The following GABRA3 variants were observed in gnomAD, a reference collection of about 807,000 sequenced individuals.
GABRA3 encodes the protein gamma-aminobutyric acid type A receptor subunit alpha3, also known as gamma-aminobutyric acid receptor subunit alpha-3.
GABRA3 carries 10 observed loss-of-function variants against 30.1 expected under a neutral mutation model. That is an observed-to-expected ratio of 0.33 (90% CI 0.20 to 0.56). The LOEUF (loss-of-function observed/expected upper bound fraction) is 0.56. Ranked by LOEUF, GABRA3 falls within the 20% of genes least tolerant of loss-of-function variation. The probability of loss-of-function intolerance (pLI) is 0.89; values close to 1 mark genes in which losing one functional copy is unlikely to be tolerated. For missense variants in GABRA3, 233 were observed against 392.0 expected (o/e 0.59, Z 3.42); for synonymous variants, 151 against 146.8 (o/e 1.03, Z -0.21).
Position 152,199,099 on chromosome X carries a change from AAG to A in GABRA3, c.779-1316_779-1315del, listed in dbSNP as rs1406020871. 8.2e-3 allele frequency among the ~76,000 whole-genome samples: 920 copies of A among 111,557 alleles called. 11 individuals are homozygous for A. Among genetic ancestry groups the A allele is most frequent in the Admixed American group, 0.034 (363 of 10,523 alleles). On this transcript the variant is annotated intron_variant, in intron 7 of 9. Coordinates refer to ENST00000370314, the MANE Select transcript of GABRA3 (RefSeq NM_000808.4). ...GGCAGAGGGCTGGGTGCGGTGGCTCAAGCCTGCCTGTAATCCCAGCACTTTGG... is the reference window on the plus strand; with the variant it reads ...GGCAGAGGGCTGGGTGCGGTGGCTCACCTGCCTGTAATCCCAGCACTTTGG...
intron 1 of GABRA3, among the ~76,000 whole-genome samples, chrX:152,421,476 G>C (rs940057033): frequency 9.0e-6 from 1 of 111,043 alleles, no homozygotes; most frequent in African/African-American, 3.3e-5. Flanking sequence ...TGATACTGAG[G>C]TAGGCAAGTA....
At chrX:152,383,165 T>A (rs1929191229) in intron 1 of GABRA3, among the ~76,000 whole-genome samples, 1 of 108,621 alleles carries the variant, frequency 9.2e-6, no homozygotes, top group Admixed American at 9.9e-5. Flanking sequence ...GGCAGGCAGA[T>A]CATGAGGTCA....
chrX:152,426,668 T>C (rs1445877181), intron 1 of GABRA3, among the ~76,000 whole-genome samples: 1 of 112,120 alleles, frequency 8.9e-6, no homozygotes, highest in East Asian at 2.8e-4. Context: ...CTTTCTTCGT[T>C]GCATTCCTTA....
chrX:152,172,955 C>G (rs1243053977), intron 9 of GABRA3, among the ~76,000 whole-genome samples: 1 of 71,187 alleles, frequency 1.4e-5, no homozygotes, highest in Non-Finnish European at 3.0e-5. Context: ...TATGTGTACA[C>G]ACACACACAC....
chrX:152,450,457 T>C (rs1307782827), intron 1 of GABRA3, among the ~76,000 whole-genome samples: 1 of 106,867 alleles, frequency 9.4e-6, no homozygotes, highest in Non-Finnish European at 1.9e-5. Flanking sequence ...GGGCAGGCAA[T>C]GGAGCTTCTC....
intron 1 of GABRA3, among the ~76,000 whole-genome samples, chrX:152,394,180 G>A (rs1001620423): frequency 1.8e-5 from 2 of 111,713 alleles, no homozygotes; most frequent in African/African-American, 6.5e-5. Context: ...GAAGCATGAA[G>A]ATACGAATTG....
chrX:152,187,726 T>C (rs1052904728), intron 9 of GABRA3, among the ~76,000 whole-genome samples: 1 of 111,819 alleles, frequency 8.9e-6, no homozygotes, highest in Non-Finnish European at 1.9e-5. Context: ...AGCTACTCAT[T>C]ACTATCCTGC....
At chrX:152,178,798 G>A (rs111647822) in intron 9 of GABRA3, among the ~76,000 whole-genome samples, 222 of 111,188 alleles carry the variant, frequency 2.0e-3, no homozygotes, top group African/African-American at 6.7e-3. Context: ...TTACCCCAAT[G>A]CACCCAAACC....
At chrX:152,241,596 C>A (rs1938373663) in intron 5 of GABRA3, among the ~76,000 whole-genome samples, 1 of 109,528 alleles carries the variant, frequency 9.1e-6, no homozygotes, top group Admixed American at 9.6e-5. Flanking sequence ...GGGCGCCCCT[C>A]CCCCAGCCTC....
intron 3 of GABRA3, among the ~76,000 whole-genome samples, chrX:152,286,450 A>T (rs1939299306): frequency 9.0e-6 from 1 of 110,998 alleles, no homozygotes; most frequent in Non-Finnish European, 1.9e-5. Flanking sequence ...TGAATTGAGC[A>T]CACTAGTAAC....
At chrX:152,233,034 G>T (rs1938117260) in intron 5 of GABRA3, among the ~76,000 whole-genome samples, 2 of 110,120 alleles carry the variant, frequency 1.8e-5, no homozygotes, top group African/African-American at 6.8e-5. Context: ...GTGGAAAATG[G>T]TATCTCATTA....
chrX:152,449,827 G>A (rs1158890924), intron 1 of GABRA3, among the ~76,000 whole-genome samples: 1 of 111,793 alleles, frequency 8.9e-6, no homozygotes, highest in Non-Finnish European at 1.9e-5. Flanking sequence ...TGTAATCTTG[G>A]ATAAGTTACT....
At chrX:152,303,650 T>C (rs1939672503) in intron 3 of GABRA3, among the ~76,000 whole-genome samples, 1 of 111,712 alleles carries the variant, frequency 9.0e-6, no homozygotes, top group Non-Finnish European at 1.9e-5. Flanking sequence ...AAAGAGTTTA[T>C]GACCTTTGCA....
chrX:152,206,557 C>T (rs1447891805), intron 7 of GABRA3, among the ~76,000 whole-genome samples: 2 of 111,669 alleles, frequency 1.8e-5, no homozygotes, highest in Admixed American at 1.9e-4. Context: ...TCACCTTCAG[C>T]ACAGTGAGCC....
At chrX:152,215,091 A>C (rs919663408) in intron 6 of GABRA3, among the ~76,000 whole-genome samples, 1 of 107,911 alleles carries the variant, frequency 9.3e-6, no homozygotes, top group Non-Finnish European at 1.9e-5. Context: ...AAACAGGGAC[A>C]ATTTGACTTC....
chrX:152,436,827 CAA>C (rs1236648692), intron 1 of GABRA3, among the ~76,000 whole-genome samples: 1 of 111,227 alleles, frequency 9.0e-6, no homozygotes, highest in East Asian at 2.8e-4. Flanking sequence ...TTAATTAATG[CAA>C]AGACTTCTTA....
intron 2 of GABRA3, among the ~76,000 whole-genome samples, chrX:152,346,142 T>G (rs773848083): frequency 1.3e-4 from 14 of 111,955 alleles, no homozygotes; most frequent in African/African-American, 4.5e-4. Flanking sequence ...AAAACAGGGT[T>G]AGACAGATCC....
intron 1 of GABRA3, among the ~76,000 whole-genome samples, chrX:152,397,584 G>C (rs989756598): frequency 9.0e-6 from 1 of 111,078 alleles, no homozygotes; most frequent in Non-Finnish European, 1.9e-5. Context: ...TTTGTATTCC[G>C]AATAAACATT....
In GABRA3 at chrX:152,168,569, G is replaced by A. The variant is rs201465927; in HGVS notation, c.1144-6C>T. On this transcript the variant is annotated splice_polypyrimidine_tract_variant and splice_region_variant and intron_variant, in intron 9 of 9. Transcript: ENST00000370314. ...GGGGCTGCTGGTGTTTTCTTCTAGA[G>A]GCCAGGAAAAAGAGGGGGGGAAAGG... 23 of 1,179,502 alleles carry A rather than the reference G, an allele frequency of 1.9e-5. No individual in the cohort carries two copies. Among genetic ancestry groups the A allele is most frequent in the Non-Finnish European group, 2.4e-5 (21 of 870,314 alleles).
Sources: allele counts gnomAD v4.1 joint callset (sites outside exome capture counted in the v4.1 genomes callset), GRCh38; gene constraint gnomAD v4.1.1; transcripts MANE v1.5; gene names NCBI Gene and HGNC (gene_info 2026-07-23, HGNC 2026-07-21).